CLTRN: variants seen among roughly 807,000 people sequenced by gnomAD.
The protein encoded by CLTRN is collectrin, amino acid transport regulator.
A neutral mutation model predicts 14.5 loss-of-function variants in CLTRN; 12 were observed. The ratio of observed to expected loss-of-function variants is 0.83; its 90% CI spans 0.53 to 1.34. The LOEUF is 1.34. Ranked by LOEUF, CLTRN falls within the 40% of genes most tolerant of loss-of-function variation. The probability of loss-of-function intolerance (pLI) is 0.00; values close to 1 mark genes in which losing one functional copy is unlikely to be tolerated. For missense variants in CLTRN, 154 were observed against 165.1 expected (o/e 0.93, Z 0.37); for synonymous variants, 58 against 56.5 (o/e 1.03, Z -0.12).
chrX:15,661,901 T>C (rs1209729599), intron 2 of CLTRN, among the ~76,000 whole-genome samples: 1 of 112,224 alleles, frequency 8.9e-6, no homozygotes, highest in Non-Finnish European at 1.9e-5. Context: ...GTTCCTCATT[T>C]CAATAACATG....
Position 15,664,788 on chromosome X carries a change from G to C in CLTRN, c.-13C>G, listed in dbSNP as rs753569016. ...GCAGCCACAACATTCTTTCAGGGTG[G>C]AAAACACAAGGCAAAGTGAGAAAAA... On this transcript the variant is annotated 5_prime_UTR_variant, in exon 1 of 6. Transcript: ENST00000380342. The C allele has an allele frequency of 7.5e-6, 9 of 1,199,554 alleles. No homozygotes were observed. Among genetic ancestry groups the C allele is most frequent in the Non-Finnish European group, 9.0e-6 (8 of 886,744 alleles).
intron 3 of CLTRN, among the ~76,000 whole-genome samples, chrX:15,656,068 C>T (rs995431481): frequency 4.5e-5 from 5 of 111,876 alleles, no homozygotes; most frequent in African/African-American, 1.6e-4. Flanking sequence ...AATGCCACAG[C>T]CCTCTCTGCA....
At chrX:15,664,632 T>C in intron 1 of CLTRN, 86 bp downstream of exon 1, 19 of 936,444 alleles carry the variant, frequency 2.0e-5, no homozygotes, top group African/African-American at 3.9e-5. Flanking sequence ...TCTGCAGATT[T>C]AGAAAAATAA....
At chrX:15,646,460 C>T in intron 3 of CLTRN, 1 of 217,369 alleles carries the variant, frequency 4.6e-6, no homozygotes, top group Non-Finnish European at 8.7e-6. Flanking sequence ...AACCGCGCAC[C>T]CACCCCCCCG....
intron 5 of CLTRN, among the ~76,000 whole-genome samples, 197 bp downstream of exon 5, chrX:15,639,365 T>C (rs139648936): frequency 0.015 from 1,668 of 112,126 alleles, 35 homozygotes; most frequent in African/African-American, 0.05. Flanking sequence ...GGAAGGAGCC[T>C]AGTTAAGTAA....
At position 15,647,530 on chromosome X, in the gene CLTRN, T is replaced by C. The variant is rs1231305685; in HGVS notation, c.204-2501A>G. Reference sequence around the variant, plus strand: ...CTTGGGCCAGATGGTTCTTTCTTGGTGGGGGGGGGAGGGGGGAGGGGAAGG... The same window carrying C: ...CTTGGGCCAGATGGTTCTTTCTTGGCGGGGGGGGGAGGGGGGAGGGGAAGG... On this transcript the variant is annotated intron_variant, in intron 3 of 5. Coordinates refer to ENST00000380342, the MANE Select transcript of CLTRN (RefSeq NM_020665.6). Among the ~76,000 whole-genome samples, 134 of 18,895 alleles carry C rather than the reference T, an allele frequency of 7.1e-3. 3 individuals are homozygous for C. The highest frequency in any genetic ancestry group is 0.014 in the Non-Finnish European group (107 of 7,510). 16.4% of individuals were successfully genotyped at this position (18,895 alleles called of 115,157 possible).
chrX:15,645,539 G>A (rs1428985141), intron 3 of CLTRN, among the ~76,000 whole-genome samples: 2 of 112,036 alleles, frequency 1.8e-5, no homozygotes, highest in African/African-American at 6.5e-5. Flanking sequence ...CACCTTCTGT[G>A]TGTACTTTTG....
chrX:15,630,966 A>C lies in CLTRN; in HGVS notation c.513-2839T>G, dbSNP rs770500717. 4.5e-5 allele frequency among the ~76,000 whole-genome samples: 5 copies of C among 112,353 alleles called. No homozygotes were observed. The South Asian group carries it at 1.8e-3, about 41-fold the overall frequency. On this transcript the variant is annotated intron_variant, in intron 5 of 5. Coordinates refer to ENST00000380342, the MANE Select transcript of CLTRN (RefSeq NM_020665.6). ...AATCAACATTCTATAACCATCAATCACATCACTTCCATTCATAGTATCCAA... is the reference window on the plus strand; with the variant it reads ...AATCAACATTCTATAACCATCAATCCCATCACTTCCATTCATAGTATCCAA...
upstream of CLTRN, among the ~76,000 whole-genome samples, chrX:15,669,514 G>A (rs1442347637): frequency 1.8e-5 from 2 of 112,158 alleles, no homozygotes; most frequent in African/African-American, 6.5e-5. Context: ...ATGGGAAAAC[G>A]AAATTGATTT....
rs866882975 is a variant in CLTRN at position 15,659,082 on chromosome X, T to A, written c.137A>T (p.Glu46Val). ...TACCATCGCTTTGAAGAGGTATTCTTCATTGGTATCCCAGGCATACTGAAA... is the reference window on the plus strand; with the variant it reads ...TACCATCGCTTTGAAGAGGTATTCTACATTGGTATCCCAGGCATACTGAAA... ...GDKAYAWDTN[E>V]EYLFKAMVAF... Residue 46 changes from glutamate (E) to valine (V), a missense_variant, in exon 3 of 6, where the codon GAA becomes GTA. Glu to Val is a moderately radical substitution (Grantham distance 121, BLOSUM62 -2). Transcript: ENST00000380342. The A allele has an allele frequency of 1.5e-5, 17 of 1,166,953 alleles. No homozygotes were observed. The Middle Eastern group carries it at 4.1e-3, about 280-fold the overall frequency.
intron 4 of CLTRN, 132 bp from the exon 5 acceptor site, chrX:15,639,888 A>G (rs975293443): frequency 1.5e-5 from 10 of 652,839 alleles, no homozygotes; most frequent in Non-Finnish European, 2.2e-5. Context: ...GGAGACTTCA[A>G]GTTGACTAAA....
chrX:15,673,125 T>C (rs1431965636), intron 1 of CLTRN, among the ~76,000 whole-genome samples: 1 of 112,677 alleles, frequency 8.9e-6, no homozygotes, highest in African/African-American at 3.2e-5. Context: ...GATGAGGAAC[T>C]GGGATTTGCC....
chrX:15,674,878 G>A (rs1929794825), intron 1 of CLTRN: 1 of 113,896 alleles, frequency 8.8e-6, no homozygotes, highest in Non-Finnish European at 1.9e-5. Flanking sequence ...CGCATGCGCA[G>A]GATGCGAGTG....
chrX:15,643,445 T>C (rs1034328358), intron 4 of CLTRN, among the ~76,000 whole-genome samples: 3 of 112,025 alleles, frequency 2.7e-5, no homozygotes, highest in African/African-American at 9.7e-5. Context: ...GTTGTGAACA[T>C]ATTCATGTAT....
chrX:15,649,607 A>G (rs1929169492), intron 3 of CLTRN, among the ~76,000 whole-genome samples: 1 of 111,146 alleles, frequency 9.0e-6, no homozygotes, highest in Admixed American at 9.6e-5. Context: ...TGCTGTTGGC[A>G]TTTTGGGTGG....
At chrX:15,657,305 G>A (rs1929396018) in intron 3 of CLTRN, among the ~76,000 whole-genome samples, 1 of 112,447 alleles carries the variant, frequency 8.9e-6, no homozygotes, top group Non-Finnish European at 1.9e-5. Flanking sequence ...CAGCCCCAGT[G>A]CCCAACTGTA....
In CLTRN at chrX:15,637,909, T is replaced by C. The variant is rs200167057; in HGVS notation, c.512+1653A>G. ...ACAAATTATATTCTCCTAAGCTCAG[T>C]TTCCCTGACTCACTGTGCTTCCTGA... On this transcript the variant is annotated intron_variant, in intron 5 of 5. Transcript: ENST00000380342. Among the ~76,000 whole-genome samples the C allele has an allele frequency of 5.3e-5, 6 of 112,167 alleles. No homozygotes were observed. The East Asian group carries it at 1.7e-3, about 31-fold the overall frequency.
Position 15,639,607 on chromosome X carries a change from A to G in CLTRN, c.467T>C (p.Val156Ala). 2 of 1,210,450 alleles carry G rather than the reference A, an allele frequency of 1.7e-6. No individual in the cohort carries two copies. The highest frequency in any genetic ancestry group is 2.2e-6 in the Non-Finnish European group (2 of 894,493). Residue 156 changes from valine to alanine, a missense_variant, in exon 5 of 6, where the codon GTT becomes GCT. Physicochemically the swap from Val to Ala is moderately conservative, Grantham distance 64. Transcript: ENST00000380342. Reference sequence around the variant, plus strand: ...TGATAAAATCAGTAGTGCAATTGCAACTATGATGATGCAAAATATCACACC... The same window carrying G: ...TGATAAAATCAGTAGTGCAATTGCAGCTATGATGATGCAAAATATCACACC... ...IFGVIFCIII[V>A]AIALLILSGI... is the part of the protein sequence containing the mutation.
At chrX:15,650,357 C>T (rs1346628990) in intron 3 of CLTRN, among the ~76,000 whole-genome samples, 2 of 110,902 alleles carry the variant, frequency 1.8e-5, no homozygotes, top group Non-Finnish European at 1.9e-5. Context: ...AACTAGGCAA[C>T]GTTTTAATGC....
Sources: gnomAD v4.1 joint callset for allele counts (sites outside exome capture counted in the v4.1 genomes callset) on GRCh38, gnomAD v4.1.1 for gene constraint, MANE v1.5 for transcripts, NCBI Gene and HGNC (gene_info 2026-07-23, HGNC 2026-07-21) for gene names.